The following NUTF2 variants were observed in gnomAD, a reference collection of about 807,000 sequenced individuals.
NUTF2 encodes nuclear transport factor 2.
NUTF2 carries 3 observed loss-of-function variants against 18.5 expected under a neutral mutation model. The ratio of observed to expected loss-of-function variants is 0.16; its 90% CI spans 0.07 to 0.42. NUTF2 has a LOEUF of 0.42. Ranked by LOEUF, NUTF2 falls within the 10% of genes least tolerant of loss-of-function variation. The probability of loss-of-function intolerance (pLI) is 0.99; values close to 1 mark genes in which losing one functional copy is unlikely to be tolerated. For missense variants in NUTF2, 44 were observed against 160.7 expected, an observed-to-expected ratio of 0.27 and a Z score of 3.93; for synonymous variants, 51 against 57.9, an observed-to-expected ratio of 0.88 and a Z score of 0.54.
At chr16:67,868,257 G>A in intron 2 of NUTF2, 83 bp from the exon 3 acceptor site, 14 of 1,267,134 alleles carry the variant, frequency 1.1e-5, no homozygotes, top group Non-Finnish European at 1.6e-5. Context: ...CTCCAAGCAA[G>A]GCCCTTTTCA....
chr16:67,853,380 C>T (rs930780400), intron 1 of NUTF2, among the ~76,000 whole-genome samples: 1 of 152,008 alleles, frequency 6.6e-6, no homozygotes, highest in Admixed American at 6.6e-5. Flanking sequence ...ATTTCTGAGA[C>T]GGAGTCTCAC....
At chr16:67,854,104 C>T (rs1282260458) in intron 1 of NUTF2, among the ~76,000 whole-genome samples, 2 of 152,236 alleles carry the variant, frequency 1.3e-5, no homozygotes, top group Non-Finnish European at 2.9e-5. Context: ...GCACGCGCCA[C>T]CACGCCCAGC....
chr16:67,863,048 C>T (rs2057945083), intron 1 of NUTF2, among the ~76,000 whole-genome samples: 1 of 152,120 alleles, frequency 6.6e-6, no homozygotes, highest in Admixed American at 6.6e-5. Flanking sequence ...ATAGCAAGTA[C>T]CAGGTGGACG....
At chr16:67,857,169 T>A (rs966740662) in intron 1 of NUTF2, among the ~76,000 whole-genome samples, 5 of 152,192 alleles carry the variant, frequency 3.3e-5, no homozygotes, top group African/African-American at 4.8e-5. Flanking sequence ...GTTCATGGCC[T>A]GAGGCTCAGT....
chr16:67,858,206 C>T (rs541881935), intron 1 of NUTF2, among the ~76,000 whole-genome samples: 12 of 152,300 alleles, frequency 7.9e-5, no homozygotes, highest in Middle Eastern at 3.4e-3. Flanking sequence ...CTCACTCTGT[C>T]GCCCAGGCTG....
chr16:67,864,647 C>G (rs1245006156), intron 1 of NUTF2, among the ~76,000 whole-genome samples: 1 of 152,032 alleles, frequency 6.6e-6, no homozygotes, highest in East Asian at 1.9e-4. Flanking sequence ...TACACACACA[C>G]AGGTATCAGT....
intron 1 of NUTF2, chr16:67,855,918 C>CT (rs2057893452): frequency 3.7e-6 from 2 of 542,046 alleles, no homozygotes; most frequent in South Asian, 5.3e-5. Flanking sequence ...ATGAGAATAA[C>CT]TTTATTTCAT....
intron 1 of NUTF2, among the ~76,000 whole-genome samples, chr16:67,849,596 T>C (rs2057837604): frequency 6.6e-6 from 1 of 151,864 alleles, no homozygotes; most frequent in Non-Finnish European, 1.5e-5. Context: ...TGCCTTGGCC[T>C]CCCCAAAGTG....
intron 1 of NUTF2, among the ~76,000 whole-genome samples, chr16:67,849,364 C>T (rs1465246393): frequency 6.6e-6 from 1 of 152,214 alleles, no homozygotes; most frequent in Admixed American, 6.5e-5. Flanking sequence ...TCTCTCGAGA[C>T]GGAGTCTCTC....
rs570667182 is a variant in NUTF2 at position 67,853,905 on chromosome 16, C to T, written c.-30+6920C>T. Among the ~76,000 whole-genome samples, 33 of 152,294 alleles carry T rather than the reference C, an allele frequency of 2.2e-4. No homozygotes were observed. In the South Asian group the frequency reaches 6.6e-3, roughly 31 times the overall value. ...TCAGGTGATCCTCCTGCCTCAACCT[C>T]CCAAGTACTGGGATTATAGGGAACA... On this transcript the variant is annotated intron_variant, in intron 1 of 4. Coordinates refer to ENST00000219169, the MANE Select transcript of NUTF2 (RefSeq NM_005796.3).
chr16:67,860,851 T>C (rs1333455657), intron 1 of NUTF2, among the ~76,000 whole-genome samples: 1 of 152,244 alleles, frequency 6.6e-6, no homozygotes, highest in African/African-American at 2.4e-5. Context: ...GATCTCTGTC[T>C]GCTCTGTCTG....
At chr16:67,866,337 C>T (rs1158720329) in intron 2 of NUTF2, among the ~76,000 whole-genome samples, 1 of 145,128 alleles carries the variant, frequency 6.9e-6, no homozygotes, top group Non-Finnish European at 1.5e-5. Context: ...GACAGAGTCT[C>T]ACTCTGTCAA....
At position 67,870,991 on chromosome 16, in the gene NUTF2, C is replaced by A; in HGVS notation, c.*78C>A. On this transcript the variant is annotated 3_prime_UTR_variant, in exon 5 of 5. Coordinates refer to ENST00000219169, the MANE Select transcript of NUTF2 (RefSeq NM_005796.3). The stretch of plus-strand genomic sequence containing the variant: ...ACTATTCCCACTCCTCCAGATGCTC[C>A]AAATATCATGCACAAATGAGCAGGG... 1.8e-6 allele frequency: 2 copies of A among 1,101,052 alleles called. No homozygotes were observed. Among genetic ancestry groups the A allele is most frequent in the Non-Finnish European group, 2.8e-6 (2 of 722,284 alleles). The allele number at this position is 1,101,052 out of a possible 1,614,324, so 68.2% of individuals were successfully genotyped here.
At chr16:67,864,878 C>G (rs1478146078) in intron 1 of NUTF2, among the ~76,000 whole-genome samples, 1 of 152,146 alleles carries the variant, frequency 6.6e-6, no homozygotes, top group African/African-American at 2.4e-5. Context: ...GTCTCATCAA[C>G]CAAGAACTCA....
chr16:67,863,859 G>A (rs571950698), intron 1 of NUTF2, among the ~76,000 whole-genome samples: 2 of 152,348 alleles, frequency 1.3e-5, no homozygotes, highest in Admixed American at 1.3e-4. Context: ...CAAAGCCCAA[G>A]CGGCTCTCCC....
chr16:67,848,745 AAAAAAG>A (rs1350818088), intron 1 of NUTF2, among the ~76,000 whole-genome samples: 1 of 151,680 alleles, frequency 6.6e-6, no homozygotes, highest in Non-Finnish European at 1.5e-5. Context: ...CTGTCTCAAA[AAAAAAG>A]AAAAAGAAAA....
chr16:67,858,860 C>G (rs2057915388), intron 1 of NUTF2, among the ~76,000 whole-genome samples: 1 of 151,700 alleles, frequency 6.6e-6, no homozygotes, highest in Non-Finnish European at 1.5e-5. Flanking sequence ...TGCTGCTGCT[C>G]TGCCTTCAGG....
At chr16:67,860,808 C>T (rs1242235325) in intron 1 of NUTF2, among the ~76,000 whole-genome samples, 1 of 152,208 alleles carries the variant, frequency 6.6e-6, no homozygotes, top group Non-Finnish European at 1.5e-5. Context: ...GGAGTGATAG[C>T]GTCTTCTCGA....
rs1210677309 is a variant in NUTF2 at position 67,871,843 on chromosome 16, T to A, written c.*930T>A. ...CAGCTCCTGTCCCATCTGCTTTGGA[T>A]ATCTTTACCCAAAGGCAGGTAACCC... is the stretch of plus-strand genomic sequence containing the variant. On this transcript the variant is annotated 3_prime_UTR_variant, in exon 5 of 5. Transcript: ENST00000219169. 2.6e-5 allele frequency: 4 copies of A among 152,306 alleles called. No individual in the cohort carries two copies. The highest frequency in any genetic ancestry group is 1.5e-5 in the Non-Finnish European group (1 of 68,138). The allele number at this position is 152,306 out of a possible 1,614,324, so 9.4% of individuals were successfully genotyped here.
Sources: allele counts gnomAD v4.1 joint callset (sites outside exome capture counted in the v4.1 genomes callset), GRCh38; gene constraint gnomAD v4.1.1; transcripts MANE v1.5; gene names NCBI Gene and HGNC (gene_info 2026-07-23, HGNC 2026-07-21).